KCNA6: variants seen among roughly 807,000 people sequenced by gnomAD.
KCNA6 encodes human brain potassium channel-2.
In KCNA6, 17 loss-of-function variants were observed where a neutral mutation model predicts 29.5. The ratio of observed to expected loss-of-function variants is 0.58; its 90% CI spans 0.39 to 0.86. The LOEUF is 0.86. KCNA6 is among the 40% of genes least tolerant of loss of function. KCNA6 has a pLI of 0.00. For synonymous variants in KCNA6, 296 were observed against 304.7 expected (o/e 0.97, Z 0.30); for missense variants, 450 against 703.4 (o/e 0.64, Z 4.07).
In KCNA6 at chr12:4,811,858, C is replaced by A. The variant is rs1316868029; in HGVS notation, c.*227C>A. 3.6e-6 allele frequency: 2 copies of A among 555,984 alleles called. No homozygotes were observed. Among genetic ancestry groups the A allele is most frequent in the Admixed American group, 3.4e-5 (1 of 29,378 alleles). 34.4% of individuals were successfully genotyped at this position (555,984 alleles called of 1,614,324 possible). ...TGACATTTTTGAAATTCCAGCGGTG[C>A]CACCCAATCATGCCCAGCTTCTGTC... On this transcript the variant is annotated 3_prime_UTR_variant, in exon 1 of 1. Transcript: ENST00000280684. This position sits in a 1 kb window ranked among gnomAD's most constrained non-coding sequence, Gnocchi z 7.1.
the KCNA6 span, among the ~76,000 whole-genome samples, chr12:4,829,803 C>T: frequency 1.3e-5 from 2 of 152,194 alleles, no homozygotes; most frequent in Admixed American, 1.3e-4. Context: ...CATTTAATTG[C>T]ACTTCACATT....
At chr12:4,825,711 A>G in the KCNA6 span, among the ~76,000 whole-genome samples, 3 of 152,230 alleles carry the variant, frequency 2.0e-5, no homozygotes, top group Admixed American at 6.5e-5. Flanking sequence ...TCTTCCCTAT[A>G]GTCCTTATAA....
the KCNA6 span, among the ~76,000 whole-genome samples, chr12:4,832,909 C>A: frequency 7.1e-6 from 1 of 141,022 alleles, no homozygotes; most frequent in Non-Finnish European, 1.6e-5. Flanking sequence ...GATACATGTG[C>A]CACCAAACCC....
the KCNA6 span, among the ~76,000 whole-genome samples, chr12:4,831,536 A>G: frequency 5.9e-5 from 9 of 152,300 alleles, no homozygotes; most frequent in East Asian, 1.7e-3. Flanking sequence ...CCTCCCAGCC[A>G]TGGGAGCTGG....
the KCNA6 span, among the ~76,000 whole-genome samples, chr12:4,847,379 T>C: frequency 6.6e-6 from 1 of 152,192 alleles, no homozygotes; most frequent in African/African-American, 2.4e-5. Flanking sequence ...CTTTCATTCT[T>C]TTTGCCTGTT....
At chr12:4,812,661 A>C (rs1455092047) in exon 1 of KCNA6, 2 of 167,090 alleles carry the variant, frequency 1.2e-5, no homozygotes, top group African/African-American at 4.8e-5. Flanking sequence ...TTGCTGTTGA[A>C]GGCTTCCTCA....
chr12:4,829,111 A>T, the KCNA6 span, among the ~76,000 whole-genome samples: 1 of 151,656 alleles, frequency 6.6e-6, no homozygotes, highest in Non-Finnish European at 1.5e-5. Flanking sequence ...ACAATAAAGC[A>T]CTCATAATTG....
In KCNA6 at chr12:4,810,852, A is replaced by G; in HGVS notation, c.811A>G (p.Ile271Val). 2 of 1,609,066 alleles carry G rather than the reference A, an allele frequency of 1.2e-6. No individual in the cohort carries two copies. Among genetic ancestry groups the G allele is most frequent in the Non-Finnish European group, 1.7e-6 (2 of 1,177,490 alleles). ...CTTCTTTCTGGTGGAGACGCTGTGC[A>G]TTGTCTGGTTCACTTTTGAGCTCCT... The change falls in exon 1 of 1, where the codon ATT becomes GTT. Residue 271 changes from isoleucine (I) to valine (V), a missense_variant. Transcript: ENST00000280684. This position sits in a 1 kb window ranked among gnomAD's most constrained non-coding sequence, Gnocchi z 7.5.
chr12:4,812,062 T>C (rs2239503), exon 1 of KCNA6: 63,275 of 182,796 alleles, frequency 0.35, 11,356 homozygotes, highest in South Asian at 0.54. Flanking sequence ...AGCTTCAGGC[T>C]ACTTGGTAAC....
the KCNA6 span, among the ~76,000 whole-genome samples, chr12:4,821,417 G>GGTGTGTGT: frequency 1.9e-5 from 2 of 105,266 alleles, no homozygotes; most frequent in African/African-American, 7.7e-5. Context: ...TACTCACTTG[G>GGTGTGTGT]ATGTGTGTGT....
At chr12:4,820,546 A>AACACACAC in the KCNA6 span, among the ~76,000 whole-genome samples, 12,666 of 134,552 alleles carry the variant, frequency 0.094, 699 homozygotes, top group African/African-American at 0.12. Flanking sequence ...GGATTACCTA[A>AACACACAC]ACACACACAC....
chr12:4,827,139 T>C, the KCNA6 span, among the ~76,000 whole-genome samples: 1 of 145,738 alleles, frequency 6.9e-6, no homozygotes, highest in African/African-American at 2.5e-5. Flanking sequence ...TTTTCCTCCC[T>C]CCCTCTCTCC....
At chr12:4,839,750 T>C in the KCNA6 span, among the ~76,000 whole-genome samples, 6 of 152,210 alleles carry the variant, frequency 3.9e-5, no homozygotes, top group Non-Finnish European at 5.9e-5. Context: ...TTAATAATAA[T>C]AGTCATAGCT....
chr12:4,811,596 G>A lies in KCNA6; in HGVS notation c.1555G>A (p.Ala519Thr). Residue 519 changes from alanine (A) to threonine (T), a missense_variant, in exon 1 of 1, where the codon GCC (alanine) becomes ACC (threonine). Ala to Thr is a moderately conservative substitution (Grantham distance 58). This residue lies in a region of KCNA6 where 56 missense variants were observed against 65.2 expected (regional missense o/e 0.86). Transcript: ENST00000280684. This position sits in a 1 kb window ranked among gnomAD's most constrained non-coding sequence, Gnocchi z 7.1. Reference sequence around the variant, plus strand: ...CAGCTACCTTCCTACACCACATCGGGCCTATGCAGAGAAAAGAATGCTCAC... The same window carrying A: ...CAGCTACCTTCCTACACCACATCGGACCTATGCAGAGAAAAGAATGCTCAC... 2 of 1,614,124 alleles carry A rather than the reference G, an allele frequency of 1.2e-6. No homozygotes were observed. The highest frequency in any genetic ancestry group is 1.3e-5 in the African/African-American group (1 of 75,052).
the KCNA6 span, among the ~76,000 whole-genome samples, chr12:4,833,189 G>A: frequency 6.6e-6 from 1 of 152,188 alleles, no homozygotes; most frequent in African/African-American, 2.4e-5. Flanking sequence ...CGAAAAGTTT[G>A]AAACACCACC....
chr12:4,825,671 A>G, the KCNA6 span, among the ~76,000 whole-genome samples: 1 of 152,216 alleles, frequency 6.6e-6, no homozygotes. Context: ...GGTTTTGATA[A>G]GGCACTGAGT....
the KCNA6 span, among the ~76,000 whole-genome samples, chr12:4,826,257 C>T: frequency 6.6e-6 from 1 of 151,986 alleles, no homozygotes; most frequent in African/African-American, 2.4e-5. Context: ...TGTTTTGGTG[C>T]TGCTGAGGGC....
rs1304437823 is a variant in KCNA6 at position 4,811,945 on chromosome 12, A to C, written c.*314A>C. 6.2e-6 allele frequency: 2 copies of C among 322,694 alleles called. No homozygotes were observed. Among genetic ancestry groups the C allele is most frequent in the East Asian group, 1.3e-4 (2 of 15,624 alleles). 20.0% of individuals were successfully genotyped at this position (322,694 alleles called of 1,614,324 possible). ...TCAAGACTGATTTTTCATGTCTGGGACTTACAATATCTCAAGGAACAGCAA... is the reference window on the plus strand; with the variant it reads ...TCAAGACTGATTTTTCATGTCTGGGCCTTACAATATCTCAAGGAACAGCAA... On this transcript the variant is annotated 3_prime_UTR_variant, in exon 1 of 1. Transcript: ENST00000280684. This position sits in a 1 kb window ranked among gnomAD's most constrained non-coding sequence, Gnocchi z 7.1.
chr12:4,810,253 G>A lies in KCNA6; in HGVS notation c.212G>A (p.Gly71Asp). The A allele has an allele frequency of 1.9e-6, 3 of 1,613,950 alleles. No homozygotes were observed. The highest frequency in any genetic ancestry group is 2.5e-6 in the Non-Finnish European group (3 of 1,180,016). ...CCGGACACGCTGCTCGGAGACCCTGGCCGGCGAGTCCGCTTCTTCGACCCC... is the reference window on the plus strand; with the variant it reads ...CCGGACACGCTGCTCGGAGACCCTGACCGGCGAGTCCGCTTCTTCGACCCC... The change falls in exon 1 of 1, where the codon GGC becomes GAC. Residue 71 changes from glycine to aspartate, a missense_variant. Physicochemically the swap from Gly to Asp is moderately conservative, Grantham distance 94. Coordinates refer to ENST00000280684, the Ensembl canonical transcript of KCNA6. This position sits in a 1 kb window ranked among gnomAD's most constrained non-coding sequence, Gnocchi z 7.5.
Sources: gnomAD v4.1 joint callset for allele counts (sites outside exome capture counted in the v4.1 genomes callset) on GRCh38, gnomAD v4.1.1 for gene constraint, gnomAD v4.1.1 regional missense constraint, Gnocchi (gnomAD v3.1) non-coding constraint, MANE v1.5 for transcripts, NCBI Gene and HGNC (gene_info 2026-07-23, HGNC 2026-07-21) for gene names.